EXD3: variants seen among roughly 807,000 people sequenced by gnomAD.
EXD3 encodes the protein exonuclease mut-7 homolog.
EXD3 carries 92 observed loss-of-function variants against 98.0 expected under a neutral mutation model. That is an observed-to-expected ratio of 0.94 (90% CI 0.79 to 1.12). The LOEUF is 1.12. Among genes scored for constraint, EXD3 ranks in the 50% most tolerant of loss-of-function variants. The pLI, the probability that EXD3 is intolerant of heterozygous loss-of-function variation, is 0.00. For missense variants in EXD3, 1,222 were observed against 1,191.6 expected (o/e 1.03, Z -0.38); for synonymous variants, 569 against 526.0 (o/e 1.08, Z -1.12).
At chr9:137,397,419 G>A (rs141742201) in intron 1 of EXD3, among the ~76,000 whole-genome samples, 25 of 152,226 alleles carry the variant, frequency 1.6e-4, no homozygotes, top group Admixed American at 7.9e-4. Flanking sequence ...ACAGCCCACC[G>A]GAGCGAAAAA....
At chr9:137,383,531 C>T (rs1836430525) in intron 2 of EXD3, among the ~76,000 whole-genome samples, 154 bp from the exon 3 acceptor site, 1 of 152,200 alleles carries the variant, frequency 6.6e-6, no homozygotes, top group Non-Finnish European at 1.5e-5. Context: ...CTGGCACACA[C>T]ACAACACACC....
At chr9:137,365,884 C>T (rs1402229141) in intron 7 of EXD3, 2 of 381,260 alleles carry the variant, frequency 5.2e-6, no homozygotes. Flanking sequence ...TGCACACACA[C>T]ACACCTGCAG....
Position 137,390,099 on chromosome 9 carries a change from G to C in EXD3, c.55+5204C>G, listed in dbSNP as rs556372492. Among the ~76,000 whole-genome samples, 13 of 118,774 alleles carry C rather than the reference G, an allele frequency of 1.1e-4. No individual in the cohort carries two copies. The South Asian group carries it at 3.2e-3, about 29-fold the overall frequency. The allele number at this position is 118,774 out of a possible 152,430, so 77.9% of individuals were successfully genotyped here. A position where few individuals can be genotyped will look rare whatever the true frequency, so the allele number is the denominator to read the frequency against. ...GTTGCGACATTGCACTCCGGCCTGGGTGACAGAGCGAGACTCTGTCAAAAA... is the reference window on the plus strand; with the variant it reads ...GTTGCGACATTGCACTCCGGCCTGGCTGACAGAGCGAGACTCTGTCAAAAA... On this transcript the variant is annotated intron_variant, in intron 2 of 21. Transcript: ENST00000340951.
At chr9:137,345,230 C>T (rs979185273) in intron 17 of EXD3, among the ~76,000 whole-genome samples, 1 of 152,242 alleles carries the variant, frequency 6.6e-6, no homozygotes, top group Admixed American at 6.5e-5. Context: ...GCTTTCTTTC[C>T]TTTTCCTTTT....
chr9:137,368,057 G>A (rs1835362729), intron 5 of EXD3, 68 bp from the exon 6 acceptor site: 2 of 1,329,276 alleles, frequency 1.5e-6, no homozygotes, highest in Non-Finnish European at 2.1e-6. Context: ...CGGGTGAGGG[G>A]GCTACCACCC....
intron 1 of EXD3, among the ~76,000 whole-genome samples, chr9:137,406,061 A>C (rs1457475130): frequency 6.6e-6 from 1 of 151,978 alleles, no homozygotes; most frequent in Non-Finnish European, 1.5e-5. Context: ...CCTATGAAAA[A>C]AAAAATCAGC....
chr9:137,363,186 C>A (rs1447732841), intron 7 of EXD3, among the ~76,000 whole-genome samples: 1 of 151,518 alleles, frequency 6.6e-6, no homozygotes, highest in Non-Finnish European at 1.5e-5. Context: ...TACATTTATC[C>A]TCATGAAATA....
chr9:137,352,793 G>T lies in EXD3; in HGVS notation c.871-7C>A. On this transcript the variant is annotated splice_polypyrimidine_tract_variant and splice_region_variant and intron_variant, in intron 10 of 21. Transcript: ENST00000340951. The stretch of plus-strand genomic sequence containing the variant: ...GGCTCTGCCCCACCAGGCCCTGTGA[G>T]GAGGGTGGCCGTGAGGATGGAGATG... 6.3e-7 allele frequency: 1 copy of T among 1,579,390 alleles called. No individual in the cohort carries two copies. The highest frequency in any genetic ancestry group is 8.6e-7 in the Non-Finnish European group (1 of 1,165,036).
At chr9:137,412,171 C>A (rs573176982) in intron 1 of EXD3, among the ~76,000 whole-genome samples, 3 of 152,310 alleles carry the variant, frequency 2.0e-5, no homozygotes, top group African/African-American at 4.8e-5. Flanking sequence ...AGACCCAGAG[C>A]GAGTGGGCGG....
Position 137,375,082 on chromosome 9 carries a change from C to T in EXD3, c.121-1483G>A, listed in dbSNP as rs562790581. Among the ~76,000 whole-genome samples, 4 of 152,138 alleles carry T rather than the reference C, an allele frequency of 2.6e-5. No individual in the cohort carries two copies. In the East Asian group the frequency reaches 7.7e-4, roughly 29 times the overall value. Reference sequence around the variant, plus strand: ...GGAGTGCAGTGGCGCGATCTCGACTCACTGCAAGCTCCGCCTCCCGGGTTC... The same window carrying T: ...GGAGTGCAGTGGCGCGATCTCGACTTACTGCAAGCTCCGCCTCCCGGGTTC... On this transcript the variant is annotated intron_variant, in intron 3 of 21. Coordinates refer to ENST00000340951, the MANE Select transcript of EXD3 (RefSeq NM_017820.5).
rs1174861307 is a variant in EXD3 at position 137,367,991 on chromosome 9, T to C, written c.463-2A>G. 6.2e-7 allele frequency: 1 copy of C among 1,608,364 alleles called. No individual in the cohort carries two copies. The highest frequency in any genetic ancestry group is 1.1e-5 in the South Asian group (1 of 90,906). ...CAACGTCGCGCCCAGCGTGGCTGCCTGGCAAACACAAAGGCGGCAGATTAC... is the reference window on the plus strand; with the variant it reads ...CAACGTCGCGCCCAGCGTGGCTGCCCGGCAAACACAAAGGCGGCAGATTAC... On this transcript the variant is annotated splice_acceptor_variant, in intron 5 of 21. Coordinates refer to ENST00000340951, the MANE Select transcript of EXD3 (RefSeq NM_017820.5). LOFTEE classifies it high-confidence loss of function.
chr9:137,419,898 G>A (rs201367071), intron 1 of EXD3, among the ~76,000 whole-genome samples: 14 of 152,154 alleles, frequency 9.2e-5, no homozygotes, highest in Non-Finnish European at 1.6e-4. Context: ...GGTGGCTCAT[G>A]CCTGTAATCC....
In EXD3 at chr9:137,385,886, AG is replaced by A. The variant is rs1479250993; in HGVS notation, c.56-2510del. ...GATGCGTGAGATGAGAAGGTTCTGC[AG>A]GTGGACGGTGGTGGCAGCTGTGCAG... On this transcript the variant is annotated intron_variant, in intron 2 of 21. Coordinates refer to ENST00000340951, the MANE Select transcript of EXD3 (RefSeq NM_017820.5). The surrounding 1 kb of genome is among the most constrained non-coding windows in gnomAD (Gnocchi z 4.4). Among the ~76,000 whole-genome samples the A allele has an allele frequency of 6.6e-6, 1 of 152,168 alleles. No homozygotes were observed. Among genetic ancestry groups the A allele is most frequent in the Non-Finnish European group, 1.5e-5 (1 of 68,038 alleles).
intron 2 of EXD3, among the ~76,000 whole-genome samples, chr9:137,390,242 A>G (rs1035168729): frequency 7.3e-5 from 11 of 151,422 alleles, no homozygotes; most frequent in Non-Finnish European, 1.0e-4. Flanking sequence ...CATCCTGGCT[A>G]ACATGGTGAA....
chr9:137,413,660 C>A (rs1191777865), intron 1 of EXD3, among the ~76,000 whole-genome samples: 1 of 151,900 alleles, frequency 6.6e-6, no homozygotes, highest in African/African-American at 2.4e-5. Flanking sequence ...CACTACCACA[C>A]CCGGCTAAGT....
chr9:137,373,513 C>A lies in EXD3; in HGVS notation c.207G>T (p.Gln69His). 2 of 1,605,358 alleles carry A rather than the reference C, an allele frequency of 1.2e-6. No homozygotes were observed. The highest frequency in any genetic ancestry group is 3.3e-4 in the Middle Eastern group (2 of 6,008). ...CCGCCAGGGAGGGGCCCTCTCCCCG[C>A]TGGCCCCGGCAGCTCTCCAGCATGT... ...LLDMLESCRG[Q>H]RGEGPSLAAW... Residue 69 changes from glutamine to histidine, a missense_variant, in exon 4 of 22, where the codon CAG (glutamine) becomes CAT (histidine). Gln to His is a conservative substitution (Grantham distance 24). Coordinates refer to ENST00000340951, the MANE Select transcript of EXD3 (RefSeq NM_017820.5).
intron 2 of EXD3, among the ~76,000 whole-genome samples, chr9:137,384,704 C>T (rs900152793): frequency 6.6e-6 from 1 of 152,208 alleles, no homozygotes; most frequent in African/African-American, 2.4e-5. Context: ...TCAGCACAAG[C>T]CAAAATGAGA....
intron 9 of EXD3, 105 bp downstream of exon 9, chr9:137,354,595 C>A (rs536315380): frequency 1.3e-6 from 2 of 1,560,478 alleles, no homozygotes; most frequent in Non-Finnish European, 1.7e-6. Context: ...GCAGCTCCTA[C>A]TTGATATGTC....
intron 1 of EXD3, among the ~76,000 whole-genome samples, chr9:137,406,887 C>T (rs1837738751): frequency 6.6e-6 from 1 of 152,032 alleles, no homozygotes; most frequent in Non-Finnish European, 1.5e-5. Context: ...AGGCTGGGGA[C>T]GGCCTTGCGC....
Sources: gnomAD v4.1 joint callset for allele counts (sites outside exome capture counted in the v4.1 genomes callset) on GRCh38, gnomAD v4.1.1 for gene constraint, Gnocchi (gnomAD v3.1) non-coding constraint, MANE v1.5 for transcripts, NCBI Gene and HGNC (gene_info 2026-07-23, HGNC 2026-07-21) for gene names.